Variants in HDAC9 observed in about 807,000 individuals in gnomAD.
HDAC9 encodes MEF-2 interacting transcription repressor (MITR) protein.
HDAC9 carries 41 observed loss-of-function variants against 139.4 expected under a neutral mutation model. The observed-to-expected ratio is 0.29, with a 90% CI of 0.23 to 0.38. HDAC9 has a LOEUF of 0.38. Ranked by LOEUF, HDAC9 falls within the 10% of genes least tolerant of loss-of-function variation. The pLI is 1.00. For synonymous variants in HDAC9, 517 were observed against 476.2 expected (o/e 1.09, Z -1.12); for missense variants, 1,147 against 1,297.0 (o/e 0.88, Z 1.78).
chr7:18,109,818 T>G (rs546224967), intron 1 of HDAC9, among the ~76,000 whole-genome samples: 4 of 152,310 alleles, frequency 2.6e-5, no homozygotes, highest in African/African-American at 9.6e-5. Context: ...CTTGAAATAA[T>G]AAGAAACTTT....
At chr7:18,498,813 A>G (rs186706201) in intron 2 of HDAC9, among the ~76,000 whole-genome samples, 8 of 152,164 alleles carry the variant, frequency 5.3e-5, no homozygotes, top group Middle Eastern at 3.4e-3. Context: ...CAGATGTATC[A>G]ATATGTCTTT....
At chr7:18,291,126 T>A (rs570932704) in intron 1 of HDAC9, among the ~76,000 whole-genome samples, 1 of 152,236 alleles carries the variant, frequency 6.6e-6, no homozygotes, top group East Asian at 1.9e-4. Flanking sequence ...CATTTTGAAA[T>A]ATGCCTATTG....
At chr7:18,186,705 T>C (rs1342070806) in intron 2 of HDAC9, among the ~76,000 whole-genome samples, 1 of 152,218 alleles carries the variant, frequency 6.6e-6, no homozygotes, top group Non-Finnish European at 1.5e-5. Flanking sequence ...AATCTCAGTT[T>C]TCTCAACTTT....
intron 1 of HDAC9, among the ~76,000 whole-genome samples, chr7:18,323,112 C>G (rs1209343117): frequency 6.6e-6 from 1 of 152,170 alleles, no homozygotes; most frequent in East Asian, 1.9e-4. Context: ...AAGGCCTCCT[C>G]ATGTTAGAAA....
At chr7:18,991,230 G>A (rs2717344) in intron 25 of HDAC9, among the ~76,000 whole-genome samples, 100,187 of 152,048 alleles carry the variant, frequency 0.66, 33,791 homozygotes, top group African/African-American at 0.75. Context: ...TTGGAGGGGG[G>A]AGATGAAAAA....
chr7:18,496,335 CTT>C lies in HDAC9; in HGVS notation c.22+13_22+14del, dbSNP rs1563051575. On this transcript the variant is annotated intron_variant, in intron 2 of 25. Coordinates refer to ENST00000686413, the MANE Select transcript of HDAC9 (RefSeq NM_178425.4). ...GTATGATCAGCTCAGGTAAGATCCT[CTT>C]TCATAACTGAGACGTTTTAGGTTTG... is the stretch of plus-strand genomic sequence containing the variant. 6.2e-7 allele frequency: 1 copy of C among 1,610,854 alleles called. No individual in the cohort carries two copies. Among genetic ancestry groups the C allele is most frequent in the Non-Finnish European group, 8.5e-7 (1 of 1,177,690 alleles).
intron 1 of HDAC9, among the ~76,000 whole-genome samples, chr7:18,294,481 A>G (rs1798011742): frequency 6.6e-6 from 1 of 152,142 alleles, no homozygotes; most frequent in African/African-American, 2.4e-5. Context: ...AAACAACCTG[A>G]ATGGCATAGA....
At chr7:18,099,245 A>G (rs1352314564) in intron 1 of HDAC9, among the ~76,000 whole-genome samples, 1 of 152,172 alleles carries the variant, frequency 6.6e-6, no homozygotes, top group Non-Finnish European at 1.5e-5. Context: ...GTGTCACCTG[A>G]GGTTGAGAGT....
rs1443688120 is a variant in HDAC9, at chr7:18,859,858, A to G, written c.2685-14620A>G. On this transcript the variant is annotated intron_variant, in intron 21 of 25. Coordinates refer to ENST00000686413, the MANE Select transcript of HDAC9 (RefSeq NM_178425.4). ...TATATATATATATATATATATATAT[A>G]TGTGAGAGAATGAGAGAGAGAGAAA... Among the ~76,000 whole-genome samples, 996 of 110,248 alleles carry G rather than the reference A, an allele frequency of 9.0e-3. 11 individuals are homozygous for G. Among genetic ancestry groups the G allele is most frequent in the Middle Eastern group, 0.017 (3 of 180 alleles). 72.3% of individuals were successfully genotyped at this position (110,248 alleles called of 152,430 possible).
chr7:18,904,613 T>G (rs1476336638), intron 22 of HDAC9, among the ~76,000 whole-genome samples: 1 of 139,646 alleles, frequency 7.2e-6, no homozygotes, highest in Non-Finnish European at 1.5e-5. Context: ...GGAGTCTCGC[T>G]GTCTCCCAGG....
At chr7:18,309,823 A>G (rs1458517631) in intron 1 of HDAC9, among the ~76,000 whole-genome samples, 1 of 152,184 alleles carries the variant, frequency 6.6e-6, no homozygotes, top group Non-Finnish European at 1.5e-5. Context: ...CTACTTCAAT[A>G]TCTAGAGTTT....
chr7:18,305,097 A>G (rs1242281260), intron 1 of HDAC9, among the ~76,000 whole-genome samples: 1 of 152,094 alleles, frequency 6.6e-6, no homozygotes. Context: ...TGACCCACCA[A>G]TCTGGGTAGC....
chr7:18,822,213 G>A (rs1158838202), intron 17 of HDAC9, among the ~76,000 whole-genome samples: 1 of 152,134 alleles, frequency 6.6e-6, no homozygotes, highest in Admixed American at 6.5e-5. Context: ...TAATCATATT[G>A]TTGGTTCCTC....
At chr7:18,618,279 A>G (rs1633779) in intron 6 of HDAC9, among the ~76,000 whole-genome samples, 105,283 of 151,950 alleles carry the variant, frequency 0.69, 37,613 homozygotes, top group African/African-American at 0.88. Context: ...AGAAAATTGA[A>G]GCACAGCGAC....
At chr7:18,590,314 C>A (rs937368837) in intron 3 of HDAC9, 22 bp from the exon 4 acceptor site, 1 of 1,611,064 alleles carries the variant, frequency 6.2e-7, no homozygotes, top group South Asian at 1.1e-5. Context: ...TGCACACTCT[C>A]ATGTCTTTCT....
intron 21 of HDAC9, among the ~76,000 whole-genome samples, chr7:18,837,796 C>T (rs541650675): frequency 1.3e-5 from 2 of 151,964 alleles, no homozygotes; most frequent in African/African-American, 2.4e-5. Context: ...ATAATGTAAA[C>T]GCAGATATTA....
intron 12 of HDAC9, among the ~76,000 whole-genome samples, chr7:18,720,781 A>C (rs1010364136): frequency 6.6e-6 from 1 of 151,618 alleles, no homozygotes; most frequent in Non-Finnish European, 1.5e-5. Flanking sequence ...TGCTGCATTC[A>C]AGTGATCCTC....
At chr7:18,420,459 C>G (rs914713788) in intron 1 of HDAC9, among the ~76,000 whole-genome samples, 2 of 152,144 alleles carry the variant, frequency 1.3e-5, no homozygotes, top group African/African-American at 4.8e-5. Context: ...AACAGAGTTC[C>G]TGTTCTCTTT....
At chr7:18,256,899 G>A (rs1353480075) in intron 2 of HDAC9, among the ~76,000 whole-genome samples, 1 of 151,846 alleles carries the variant, frequency 6.6e-6, no homozygotes, top group Non-Finnish European at 1.5e-5. Context: ...ACCAGACTGG[G>A]CAACATAGTA....
Sources: allele counts gnomAD v4.1 joint callset (sites outside exome capture counted in the v4.1 genomes callset), GRCh38; gene constraint gnomAD v4.1.1; transcripts MANE v1.5; gene names NCBI Gene and HGNC (gene_info 2026-07-23, HGNC 2026-07-21).